Variants in GPC6 observed in about 807,000 individuals in gnomAD.
GPC6 encodes glypican 6.
Under a neutral mutation model 55.2 loss-of-function variants are expected in GPC6, and 14 were observed. That is an observed-to-expected ratio of 0.25 (90% CI 0.17 to 0.40). GPC6 has a LOEUF of 0.40. Ranked by LOEUF, GPC6 falls within the 10% of genes least tolerant of loss-of-function variation. GPC6 has a pLI of 1.00. For synonymous variants in GPC6, 278 were observed against 259.6 expected (o/e 1.07, Z -0.68); for missense variants, 641 against 708.5 (o/e 0.90, Z 1.08).
intron 1 of GPC6, among the ~76,000 whole-genome samples, chr13:93,508,838 C>T (rs939967721): frequency 1.3e-5 from 2 of 152,090 alleles, no homozygotes; most frequent in African/African-American, 4.8e-5. Flanking sequence ...AGGAAGTGAG[C>T]AGTGGTATAC....
chr13:94,010,113 A>G (rs1269865339), intron 3 of GPC6, among the ~76,000 whole-genome samples: 2 of 152,208 alleles, frequency 1.3e-5, no homozygotes, highest in Non-Finnish European at 2.9e-5. Context: ...GCTTATTATG[A>G]GAGAAAATGT....
intron 2 of GPC6, among the ~76,000 whole-genome samples, chr13:93,606,392 G>A (rs1878240536): frequency 6.6e-6 from 1 of 152,176 alleles, no homozygotes; most frequent in African/African-American, 2.4e-5. Flanking sequence ...AGATATACAG[G>A]TAAGGAGGGC....
At chr13:93,708,174 T>A (rs1196326437) in intron 2 of GPC6, among the ~76,000 whole-genome samples, 2 of 151,838 alleles carry the variant, frequency 1.3e-5, no homozygotes, top group Non-Finnish European at 2.9e-5. Flanking sequence ...TTTCCCTTAA[T>A]TAAGTAACAT....
intron 7 of GPC6, among the ~76,000 whole-genome samples, chr13:94,389,824 T>C (rs1272117748): frequency 3.3e-5 from 5 of 152,206 alleles, no homozygotes; most frequent in Non-Finnish European, 4.4e-5. Context: ...CAAAACAGCT[T>C]TCTGACGTTG....
chr13:93,866,281 C>T (rs1399329157), intron 3 of GPC6, among the ~76,000 whole-genome samples: 1 of 151,604 alleles, frequency 6.6e-6, no homozygotes, highest in Non-Finnish European at 1.5e-5. Context: ...TACTACTGAA[C>T]AGGAAAAAGG....
intron 3 of GPC6, among the ~76,000 whole-genome samples, chr13:93,990,621 C>A (rs1000210471): frequency 6.6e-6 from 1 of 151,836 alleles, no homozygotes; most frequent in Non-Finnish European, 1.5e-5. Flanking sequence ...CTTTGGGAGG[C>A]TGAGGTAGGA....
At chr13:94,257,400 G>A (rs1034447042) in intron 4 of GPC6, among the ~76,000 whole-genome samples, 1 of 152,142 alleles carries the variant, frequency 6.6e-6, no homozygotes, top group Non-Finnish European at 1.5e-5. Flanking sequence ...GATGAAATGA[G>A]AGTCTCCTGG....
At position 93,860,185 on chromosome 13, in the gene GPC6, C is replaced by T. The variant is rs535746566; in HGVS notation, c.711+29640C>T. ...AATTCTTTCTTCAGAGGTTCTTAAGCAAAAATTCACCTCTTTGTCTTAATT... is the reference window on the plus strand; with the variant it reads ...AATTCTTTCTTCAGAGGTTCTTAAGTAAAAATTCACCTCTTTGTCTTAATT... On this transcript the variant is annotated intron_variant, in intron 3 of 8. Transcript: ENST00000377047. Among the ~76,000 whole-genome samples, 4 of 151,676 alleles carry T rather than the reference C, an allele frequency of 2.6e-5. 1 individual carries two copies. In the South Asian group the frequency reaches 8.3e-4, roughly 31 times the overall value.
intron 6 of GPC6, among the ~76,000 whole-genome samples, chr13:94,326,205 GCACACA>G (rs3138573): frequency 0.08 from 11,775 of 147,860 alleles, 485 homozygotes; most frequent in East Asian, 0.2. Flanking sequence ...GTATGCTTGT[GCACACA>G]CACACACACA....
chr13:94,109,053 G>T (rs1886152617), intron 4 of GPC6, among the ~76,000 whole-genome samples: 1 of 151,112 alleles, frequency 6.6e-6, no homozygotes, highest in Non-Finnish European at 1.5e-5. Context: ...TTAAACTACA[G>T]TGTTTCTCCT....
At chr13:93,643,564 G>T (rs1176249701) in intron 2 of GPC6, among the ~76,000 whole-genome samples, 1 of 152,086 alleles carries the variant, frequency 6.6e-6, no homozygotes, top group Non-Finnish European at 1.5e-5. Flanking sequence ...TTTTAAGAAA[G>T]TCTGTTTGTA....
chr13:93,912,609 G>A (rs529429252), intron 3 of GPC6, among the ~76,000 whole-genome samples: 21 of 152,160 alleles, frequency 1.4e-4, no homozygotes, highest in African/African-American at 2.2e-4. Context: ...CTGGTGTGGT[G>A]GCGGGCGCCT....
chr13:94,272,983 G>A (rs1350886011), intron 4 of GPC6, among the ~76,000 whole-genome samples: 1 of 152,026 alleles, frequency 6.6e-6, no homozygotes, highest in African/African-American at 2.4e-5. Flanking sequence ...CTCTCAGTAA[G>A]GTTTTGTCAT....
intron 4 of GPC6, among the ~76,000 whole-genome samples, chr13:94,032,678 C>T (rs1354429906): frequency 6.6e-6 from 1 of 152,158 alleles, no homozygotes; most frequent in Non-Finnish European, 1.5e-5. Context: ...TTTAGATGCC[C>T]TCCAAAGGGT....
intron 2 of GPC6, among the ~76,000 whole-genome samples, chr13:93,592,853 TAA>T (rs1327538883): frequency 6.6e-6 from 1 of 152,206 alleles, no homozygotes; most frequent in East Asian, 1.9e-4. Flanking sequence ...ACTAAGAATA[TAA>T]AAATACCTCC....
chr13:93,935,738 C>A (rs1055938262), intron 3 of GPC6, among the ~76,000 whole-genome samples: 4 of 152,164 alleles, frequency 2.6e-5, no homozygotes, highest in African/African-American at 9.7e-5. Flanking sequence ...ATGAACAGAG[C>A]ATGCCAACAT....
intron 7 of GPC6, among the ~76,000 whole-genome samples, chr13:94,386,303 T>C (rs2139212460): frequency 6.7e-6 from 1 of 149,174 alleles, no homozygotes; most frequent in South Asian, 2.1e-4. Context: ...GAGCTTGCAG[T>C]GAGCAGAGAT....
At chr13:93,982,739 A>G (rs963273819) in intron 3 of GPC6, among the ~76,000 whole-genome samples, 4 of 152,186 alleles carry the variant, frequency 2.6e-5, no homozygotes, top group African/African-American at 7.2e-5. Flanking sequence ...ACTGTTAATC[A>G]GAATCTGTAA....
intron 2 of GPC6, among the ~76,000 whole-genome samples, chr13:93,794,767 G>C (rs958830114): frequency 6.6e-6 from 1 of 152,150 alleles, no homozygotes; most frequent in African/African-American, 2.4e-5. Flanking sequence ...AAACAGGGCA[G>C]ATAAAATCTG....
Sources: allele counts gnomAD v4.1 joint callset (sites outside exome capture counted in the v4.1 genomes callset), GRCh38; gene constraint gnomAD v4.1.1; transcripts MANE v1.5; gene names NCBI Gene and HGNC (gene_info 2026-07-23, HGNC 2026-07-21).